JAKMIP2: variants seen among roughly 807,000 people sequenced by gnomAD.
JAKMIP2 encodes the protein janus kinase and microtubule-interacting protein 2.
JAKMIP2 carries 25 observed loss-of-function variants against 115.0 expected under a neutral mutation model. The ratio of observed to expected loss-of-function variants is 0.22; its 90% CI spans 0.16 to 0.30. The LOEUF (loss-of-function observed/expected upper bound fraction) is 0.30, where lower values mean the gene tolerates loss of function less well. Among genes scored for constraint, JAKMIP2 ranks in the 10% least tolerant of loss-of-function variants. JAKMIP2 has a pLI of 1.00. For synonymous variants in JAKMIP2, 334 were observed against 343.6 expected (o/e 0.97, Z 0.31); for missense variants, 642 against 957.6 (o/e 0.67, Z 4.35).
chr5:147,695,006 T>A lies in JAKMIP2; in HGVS notation c.-148-23052A>T, dbSNP rs549629803. On this transcript the variant is annotated intron_variant, in intron 1 of 21. Coordinates refer to ENST00000616793, the MANE Select transcript of JAKMIP2 (RefSeq NM_001270941.2). Reference sequence around the variant, plus strand: ...TAAAAGCACATGCAAGCGAGCCAATTTGTTTTATATGTAACCATTTCAGAT... The same window carrying A: ...TAAAAGCACATGCAAGCGAGCCAATATGTTTTATATGTAACCATTTCAGAT... Among the ~76,000 whole-genome samples the A allele has an allele frequency of 2.6e-5, 4 of 152,304 alleles. No individual in the cohort carries two copies. In the South Asian group the frequency reaches 8.3e-4, roughly 32 times the overall value.
intron 1 of JAKMIP2, among the ~76,000 whole-genome samples, chr5:147,677,614 T>C (rs934689920): frequency 6.6e-6 from 1 of 152,206 alleles, no homozygotes; most frequent in Non-Finnish European, 1.5e-5. Flanking sequence ...ATATAGTCCT[T>C]TTACATCTTT....
intron 21 of JAKMIP2, among the ~76,000 whole-genome samples, chr5:147,593,889 T>C (rs1755220185): frequency 6.6e-6 from 1 of 152,240 alleles, no homozygotes; most frequent in South Asian, 2.1e-4. Context: ...GATGTATTTT[T>C]GTTTGTGTGT....
At chr5:147,704,408 C>T (rs1420256007) in intron 1 of JAKMIP2, among the ~76,000 whole-genome samples, 2 of 152,094 alleles carry the variant, frequency 1.3e-5, no homozygotes, top group Non-Finnish European at 2.9e-5. Flanking sequence ...ATGGGATGGA[C>T]CACCATGGTA....
At chr5:147,596,828 C>T (rs1333127586) in intron 21 of JAKMIP2, among the ~76,000 whole-genome samples, 1 of 152,100 alleles carries the variant, frequency 6.6e-6, no homozygotes, top group African/African-American at 2.4e-5. Context: ...CTTAGACTTT[C>T]CTTATCCATG....
chr5:147,728,476 C>T (rs987676774), intron 1 of JAKMIP2, among the ~76,000 whole-genome samples: 1 of 151,952 alleles, frequency 6.6e-6, no homozygotes, highest in Non-Finnish European at 1.5e-5. Flanking sequence ...TTATTAGGTC[C>T]TAGAAACTGT....
chr5:147,777,411 C>T (rs1755599064), intron 1 of JAKMIP2, among the ~76,000 whole-genome samples: 1 of 152,082 alleles, frequency 6.6e-6, no homozygotes, highest in African/African-American at 2.4e-5. Flanking sequence ...ATACATAAAG[C>T]AGAAGCAATA....
At chr5:147,739,002 A>C (rs1754033988) in intron 1 of JAKMIP2, among the ~76,000 whole-genome samples, 1 of 152,100 alleles carries the variant, frequency 6.6e-6, no homozygotes, top group Admixed American at 6.6e-5. Context: ...TTTGCGGGTG[A>C]AATGGAGGAG....
At chr5:147,715,952 T>C (rs1752967139) in intron 1 of JAKMIP2, among the ~76,000 whole-genome samples, 1 of 143,038 alleles carries the variant, frequency 7.0e-6, no homozygotes, top group African/African-American at 2.6e-5. Flanking sequence ...CACTAACTCG[T>C]CATCTAGCAT....
At chr5:147,744,023 CTT>C in intron 1 of JAKMIP2, among the ~76,000 whole-genome samples, 1 of 142,920 alleles carries the variant, frequency 7.0e-6, no homozygotes, top group Non-Finnish European at 1.5e-5. Flanking sequence ...TCCTTCCTTC[CTT>C]CCTTCCTTCC....
intron 20 of JAKMIP2, among the ~76,000 whole-genome samples, chr5:147,605,203 A>ATTTTTT (rs71001447): frequency 9.9e-6 from 1 of 100,522 alleles, no homozygotes; most frequent in African/African-American, 3.8e-5. Context: ...TATGTGCCAC[A>ATTTTTT]TTTTTTTTTT....
chr5:147,771,892 A>C (rs1297879480), intron 1 of JAKMIP2, among the ~76,000 whole-genome samples: 3 of 152,110 alleles, frequency 2.0e-5, no homozygotes, highest in East Asian at 1.9e-4. Context: ...GCTGCTGCTG[A>C]TAATAATATA....
intron 1 of JAKMIP2, among the ~76,000 whole-genome samples, chr5:147,707,916 T>C (rs1246721146): frequency 6.6e-6 from 1 of 152,188 alleles, no homozygotes; most frequent in African/African-American, 2.4e-5. Context: ...CATCAACTTG[T>C]CTGAACAAAG....
intron 1 of JAKMIP2, among the ~76,000 whole-genome samples, chr5:147,771,536 ATATAAACATTAT>A (rs772561226): frequency 3.9e-5 from 6 of 152,250 alleles, no homozygotes; most frequent in Non-Finnish European, 7.4e-5. Context: ...CTATTTGCTA[ATATAAACATTAT>A]TATATTTGAT....
intron 21 of JAKMIP2, among the ~76,000 whole-genome samples, chr5:147,594,656 C>T (rs1024876208): frequency 3.3e-5 from 5 of 152,226 alleles, no homozygotes; most frequent in East Asian, 1.9e-4. Flanking sequence ...GTCTTGAGTA[C>T]GGTGATGTGG....
At chr5:147,651,325 C>T (rs1260700807) in intron 3 of JAKMIP2, among the ~76,000 whole-genome samples, 3 of 152,200 alleles carry the variant, frequency 2.0e-5, no homozygotes, top group Non-Finnish European at 2.9e-5. Context: ...AATTTCTCAA[C>T]TAAAGGCCAC....
At chr5:147,636,124 C>T in intron 12 of JAKMIP2, 98 bp downstream of exon 12, 1 of 932,852 alleles carries the variant, frequency 1.1e-6, no homozygotes, top group Non-Finnish European at 1.7e-6. Context: ...GCCTCCCCTT[C>T]CCCTGGCCCC....
intron 1 of JAKMIP2, among the ~76,000 whole-genome samples, chr5:147,753,638 GC>G (rs1754639581): frequency 1.3e-5 from 2 of 152,194 alleles, no homozygotes; most frequent in South Asian, 4.1e-4. Context: ...ATTCTTTAAT[GC>G]CTGCTCATTG....
intron 1 of JAKMIP2, among the ~76,000 whole-genome samples, chr5:147,733,038 T>C (rs570191710): frequency 5.3e-4 from 80 of 152,336 alleles, no homozygotes; most frequent in Non-Finnish European, 9.6e-4. Context: ...TATAATTAAC[T>C]CATGGTTTAG....
chr5:147,714,289 A>G (rs921769587), intron 1 of JAKMIP2, among the ~76,000 whole-genome samples: 2 of 152,226 alleles, frequency 1.3e-5, no homozygotes, highest in Admixed American at 6.5e-5. Context: ...ATTATATAGG[A>G]AATTTGGGAA....
Sources: allele counts gnomAD v4.1 joint callset (sites outside exome capture counted in the v4.1 genomes callset), GRCh38; gene constraint gnomAD v4.1.1; transcripts MANE v1.5; gene names NCBI Gene and HGNC (gene_info 2026-07-23, HGNC 2026-07-21).